CCN5: variants seen among roughly 807,000 people sequenced by gnomAD.
CCN5 encodes cellular communication network factor 5, also known as CCN family member 5.
CCN5 carries 17 observed loss-of-function variants against 18.7 expected under a neutral mutation model. The observed-to-expected ratio is 0.91, with a 90% CI of 0.62 to 1.36. CCN5 has a LOEUF of 1.36. CCN5 is among the 40% of genes most tolerant of loss of function. The pLI is 0.00. For missense variants in CCN5, 367 were observed against 342.9 expected, an observed-to-expected ratio of 1.07 and a Z score of -0.56; for synonymous variants, 135 against 145.2, an observed-to-expected ratio of 0.93 and a Z score of 0.50.
chr20:44,715,096 G>GCACACACACACA (rs144166282), upstream of CCN5: 1 of 273,388 alleles, frequency 3.7e-6, no homozygotes, highest in Admixed American at 4.8e-5. Context: ...ACACACACGC[G>GCACACACACACA]CACACACACA....
chr20:44,715,931 C>T (rs2065856955), intron 1 of CCN5, among the ~76,000 whole-genome samples: 1 of 152,218 alleles, frequency 6.6e-6, no homozygotes, highest in Admixed American at 6.5e-5. Flanking sequence ...CCCGCCCGCC[C>T]TAGCTAGAGG....
At chr20:44,726,991 C>A in intron 3 of CCN5, 96 bp from the exon 4 acceptor site, 2 of 1,190,820 alleles carry the variant, frequency 1.7e-6, no homozygotes, top group Non-Finnish European at 1.2e-6. Flanking sequence ...AGAGGCTGAG[C>A]CATTTGACCA....
chr20:44,721,055 T>C (rs1265627743), intron 2 of CCN5: 1 of 152,140 alleles, frequency 6.6e-6, no homozygotes, highest in Non-Finnish European at 1.5e-5. Flanking sequence ...AGGCAAGAGA[T>C]TGTTCTTCTT....
chr20:44,718,263 G>A (rs1310648037), intron 1 of CCN5, among the ~76,000 whole-genome samples: 1 of 152,234 alleles, frequency 6.6e-6, no homozygotes, highest in Non-Finnish European at 1.5e-5. Context: ...GGAACTGAAA[G>A]CAGGTTTGCA....
At chr20:44,724,494 TAAGA>T (rs2065921092) in intron 2 of CCN5, 1 of 558,152 alleles carries the variant, frequency 1.8e-6, no homozygotes, top group African/African-American at 1.9e-5. Flanking sequence ...GGTTCACAGC[TAAGA>T]AAGGGCAGAG....
intron 3 of CCN5, 79 bp downstream of exon 3, chr20:44,725,071 G>A: frequency 2.1e-6 from 3 of 1,432,140 alleles, no homozygotes; most frequent in East Asian, 2.5e-5. Context: ...GGTGGGGGGC[G>A]GCTTCCTGGG....
chr20:44,715,260 TG>T, upstream of CCN5: 2 of 190,474 alleles, frequency 1.1e-5, no homozygotes, highest in Non-Finnish European at 1.0e-5. Flanking sequence ...TGTGTGTGTG[TG>T]AGCGCGCGCG....
intron 2 of CCN5, among the ~76,000 whole-genome samples, chr20:44,722,903 C>G (rs1363311512): frequency 6.6e-6 from 1 of 152,090 alleles, no homozygotes; most frequent in Non-Finnish European, 1.5e-5. Flanking sequence ...TGCAGTAGCC[C>G]CATAATCATC....
intron 1 of CCN5, 76 bp from the exon 2 acceptor site, chr20:44,719,821 A>C: frequency 1.4e-6 from 2 of 1,466,418 alleles, no homozygotes; most frequent in South Asian, 1.2e-5. Flanking sequence ...CCAGCCTGGC[A>C]GAGAAGTGGC....
At chr20:44,716,246 C>T (rs1431124291) in intron 1 of CCN5, among the ~76,000 whole-genome samples, 2 of 152,188 alleles carry the variant, frequency 1.3e-5, no homozygotes, top group East Asian at 3.9e-4. Context: ...CCAGTCTGTG[C>T]CTCCCCAAGC....
At chr20:44,716,955 CA>C (rs917682868) in intron 1 of CCN5, among the ~76,000 whole-genome samples, 64 of 152,192 alleles carry the variant, frequency 4.2e-4, no homozygotes, top group African/African-American at 1.5e-3. Context: ...AGTCACGTAG[CA>C]AGTCACTGGC....
In CCN5 at chr20:44,724,817, C is replaced by T. The variant is rs375577692; in HGVS notation, c.357C>T (p.Ile119=). The part of the protein sequence containing the change: ...EGETFQPHCS[I]RCRCEDGGFT... ...AGACCTTCCAGCCCCACTGCAGCAT[C>T]CGCTGCCGCTGCGAGGACGGCGGCT... Residue 119 remains isoleucine, a synonymous_variant, in exon 3 of 4, where the codon ATC becomes ATT. Transcript: ENST00000190983. 6 of 1,610,604 alleles carry T rather than the reference C, an allele frequency of 3.7e-6. No individual in the cohort carries two copies. In the African/African-American group the frequency reaches 6.7e-5, roughly 18 times the overall value.
upstream of CCN5, chr20:44,715,258 TGTGA>T (rs1247522651): frequency 3.5e-3 from 1,053 of 302,608 alleles, 21 homozygotes; most frequent in African/African-American, 0.023. Flanking sequence ...TGTGTGTGTG[TGTGA>T]GCGCGCGCGC....
upstream of CCN5, chr20:44,715,094 G>GCA (rs2065846073): frequency 2.2e-4 from 69 of 310,356 alleles, no homozygotes; most frequent in South Asian, 2.9e-4. Context: ...ACACACACAC[G>GCA]CGCACACACA....
chr20:44,724,911 G>A lies in CCN5; in HGVS notation c.451G>A (p.Val151Ile), dbSNP rs2065925349. Reference protein sequence around the residue: ...PSWDCPHPRRVEVLGKCCPEW... With the variant: ...PSWDCPHPRRIEVLGKCCPEW... ...CTGGGACTGCCCCCACCCCAGGAGGGTCGAGGTCCTGGGCAAGTGCTGCCC... is the reference window on the plus strand; with the variant it reads ...CTGGGACTGCCCCCACCCCAGGAGGATCGAGGTCCTGGGCAAGTGCTGCCC... The change falls in exon 3 of 4, where the codon GTC (valine) becomes ATC (isoleucine). Residue 151 changes from valine to isoleucine, a missense_variant. Transcript: ENST00000190983. 1 of 1,594,596 alleles carries A rather than the reference G, an allele frequency of 6.3e-7. No individual in the cohort carries two copies. The highest frequency in any genetic ancestry group is 1.3e-5 in the African/African-American group (1 of 74,934).
chr20:44,717,341 C>T (rs749063096), intron 1 of CCN5, among the ~76,000 whole-genome samples: 1 of 152,160 alleles, frequency 6.6e-6, no homozygotes, highest in African/African-American at 2.4e-5. Flanking sequence ...TCCTGGGTAT[C>T]GGGGCCTACA....
chr20:44,719,568 C>T (rs769140772), intron 1 of CCN5, among the ~76,000 whole-genome samples: 3 of 152,290 alleles, frequency 2.0e-5, no homozygotes, highest in Admixed American at 6.5e-5. Flanking sequence ...GCACGAGAGT[C>T]GCTTGAACCC....
chr20:44,715,390 C>T lies in CCN5; in HGVS notation c.-1C>T. On this transcript the variant is annotated 5_prime_UTR_variant, in exon 1 of 4. Transcript: ENST00000190983. ...GGCTCAAAGCTGGCTCTGCAGGGGA[C>T]ATGAGAGGCACACCGAAGACCCACC... is the stretch of plus-strand genomic sequence containing the variant. 1 of 1,601,314 alleles carries T rather than the reference C, an allele frequency of 6.2e-7. No individual in the cohort carries two copies. The highest frequency in any genetic ancestry group is 8.5e-7 in the Non-Finnish European group (1 of 1,174,442).
chr20:44,716,448 G>A (rs1296509561), intron 1 of CCN5, among the ~76,000 whole-genome samples: 3 of 152,224 alleles, frequency 2.0e-5, no homozygotes, highest in African/African-American at 7.2e-5. Flanking sequence ...TGAGAACCAC[G>A]CTGGCATCCT....
Sources: gnomAD v4.1 joint callset for allele counts (sites outside exome capture counted in the v4.1 genomes callset) on GRCh38, gnomAD v4.1.1 for gene constraint, MANE v1.5 for transcripts, NCBI Gene and HGNC (gene_info 2026-07-23, HGNC 2026-07-21) for gene names.